Variants in BNIP3L observed in about 807,000 individuals in gnomAD.
BNIP3L encodes the protein BCL2/adenovirus E1B 19 kDa protein-interacting protein 3-like.
In BNIP3L, 10 loss-of-function variants were observed where a neutral mutation model predicts 25.5. The observed-to-expected ratio is 0.39, with a 90% CI of 0.24 to 0.67. The LOEUF is 0.67. Ranked by LOEUF, BNIP3L falls within the 30% of genes least tolerant of loss-of-function variation. The pLI, the probability that BNIP3L is intolerant of heterozygous loss-of-function variation, is 0.45. For synonymous variants in BNIP3L, 113 were observed against 101.2 expected, an observed-to-expected ratio of 1.12 and a Z score of -0.70; for missense variants, 215 against 270.9, an observed-to-expected ratio of 0.79 and a Z score of 1.45.
intron 3 of BNIP3L, among the ~76,000 whole-genome samples, chr8:26,407,767 C>T (rs527970097): frequency 6.6e-6 from 1 of 152,330 alleles, no homozygotes. Flanking sequence ...TATGCAGTTC[C>T]TGTGCTGTGC....
Position 26,383,090 on chromosome 8 carries a change from G to GACGGTCCTGCTGCTGCC in BNIP3L, c.-40_-24dup, listed in dbSNP as rs1805890177. On this transcript the variant is annotated 5_prime_UTR_variant, in exon 1 of 6. Transcript: ENST00000380629. ...GTTGTGTTGCTGCCTGAGTGCCGGA[G>GACGGTCCTGCTGCTGCC]ACGGTCCTGCTGCTGCCGCAGTCCT... 4 of 1,528,834 alleles carry GACGGTCCTGCTGCTGCC rather than the reference G, an allele frequency of 2.6e-6. No individual in the cohort carries two copies. Among genetic ancestry groups the GACGGTCCTGCTGCTGCC allele is most frequent in the African/African-American group, 2.7e-5 (2 of 73,100 alleles). The allele number at this position is 1,528,834 out of a possible 1,614,324, so 94.7% of individuals were successfully genotyped here.
chr8:26,403,714 T>A (rs1425044890), intron 3 of BNIP3L, among the ~76,000 whole-genome samples: 2 of 152,096 alleles, frequency 1.3e-5, no homozygotes, highest in African/African-American at 2.4e-5. Context: ...TTTTTTATTT[T>A]TTTTTTGTAT....
intron 3 of BNIP3L, among the ~76,000 whole-genome samples, chr8:26,405,322 A>G (rs1806475397): frequency 6.6e-6 from 1 of 152,230 alleles, no homozygotes; most frequent in African/African-American, 2.4e-5. Context: ...GTGCAAGTAA[A>G]TTGTAACAGT....
At chr8:26,403,755 T>G (rs1322391524) in intron 3 of BNIP3L, among the ~76,000 whole-genome samples, 1 of 151,822 alleles carries the variant, frequency 6.6e-6, no homozygotes, top group African/African-American at 2.4e-5. Context: ...GCCCAGGCCG[T>G]TTTCAAACTC....
intron 2 of BNIP3L, 55 bp downstream of exon 2, chr8:26,391,481 C>A: frequency 7.2e-7 from 1 of 1,396,498 alleles, no homozygotes; most frequent in Non-Finnish European, 9.5e-7. Flanking sequence ...TTACAGGGCT[C>A]ATTCACTCTA....
rs557111368 is a variant in BNIP3L, at chr8:26,403,835, C to T, written c.358-4165C>T. 1.6e-4 allele frequency among the ~76,000 whole-genome samples: 24 copies of T among 152,220 alleles called. 1 individual carries two copies. In the South Asian group the frequency reaches 3.9e-3, roughly 25 times the overall value. ...AATTACAGACATGAGTTACTACTCCCACCTCTCTTTTAATGTTCTCAATCC... is the reference window on the plus strand; with the variant it reads ...AATTACAGACATGAGTTACTACTCCTACCTCTCTTTTAATGTTCTCAATCC... On this transcript the variant is annotated intron_variant, in intron 3 of 5. Coordinates refer to ENST00000380629, the MANE Select transcript of BNIP3L (RefSeq NM_004331.3).
rs1806543446 is a variant in BNIP3L at position 26,408,249 on chromosome 8, A to T, written c.484A>T (p.Lys162Ter). 6.2e-7 allele frequency: 1 copy of T among 1,613,988 alleles called. No individual in the cohort carries two copies. The highest frequency in any genetic ancestry group is 8.5e-7 in the Non-Finnish European group (1 of 1,180,004). ...PPKEFHFRHPKRSVSLSMRKS... is the reference protein window; with the variant it reads ...PPKEFHFRHP ...CAGGGAGTTCCACTTCAGACACCCT[A>T]AACGTTCTGTGTCTTTAAGCATGAG... The change falls in exon 5 of 6, where the codon AAA (lysine) becomes TAA (stop). Residue 162 changes from lysine to a stop codon, truncating the protein, a stop_gained. Transcript: ENST00000380629. LOFTEE classifies it high-confidence loss of function.
At chr8:26,388,819 A>G (rs1806045755) in intron 1 of BNIP3L, among the ~76,000 whole-genome samples, 1 of 146,408 alleles carries the variant, frequency 6.8e-6, no homozygotes, top group Non-Finnish European at 1.5e-5. Flanking sequence ...AAATAAATAA[A>G]TAAATAAATA....
chr8:26,407,900 A>T (rs1274543318), intron 3 of BNIP3L, 100 bp from the exon 4 acceptor site: 3 of 1,033,980 alleles, frequency 2.9e-6, no homozygotes, highest in Non-Finnish European at 4.3e-6. Context: ...TTTCTGAGAC[A>T]CAACCTTATG....
rs1397936241 is a variant in BNIP3L at position 26,408,394 on chromosome 8, C to T, written c.611+18C>T. On this transcript the variant is annotated intron_variant, in intron 5 of 5. Transcript: ENST00000380629. ...GGGCTAGGGTAAGTACCGGTCAACT[C>T]CTGAAGTTTTTTCCATTCATTTTAT... 1.3e-6 allele frequency: 2 copies of T among 1,590,530 alleles called. No individual in the cohort carries two copies. The highest frequency in any genetic ancestry group is 2.3e-5 in the South Asian group (2 of 88,382).
At chr8:26,390,449 C>T (rs779524586) in intron 1 of BNIP3L, 435 of 985,082 alleles carry the variant, frequency 4.4e-4, no homozygotes, top group Non-Finnish European at 4.8e-4. Flanking sequence ...CCCAAATCAA[C>T]AGGGTTTAAT....
rs534630387 is a variant in BNIP3L at position 26,411,863 on chromosome 8, G to A, written c.*1451G>A. 6.6e-6 allele frequency: 1 copy of A among 152,654 alleles called. No homozygotes were observed. The highest frequency in any genetic ancestry group is 2.1e-4 in the South Asian group (1 of 4,822). The allele number at this position is 152,654 out of a possible 1,614,324, so 9.5% of individuals were successfully genotyped here. A position where few individuals can be genotyped will look rare whatever the true frequency, so the allele number is the denominator to read the frequency against. ...GATATTGACTATTTAGAGAACCGTT[G>A]TTAATTTTAAAACTAGCAATCTATA... On this transcript the variant is annotated 3_prime_UTR_variant, in exon 6 of 6. Transcript: ENST00000380629.
intron 1 of BNIP3L, among the ~76,000 whole-genome samples, chr8:26,387,374 T>G (rs1045110258): frequency 7.9e-5 from 12 of 152,230 alleles, no homozygotes; most frequent in African/African-American, 2.4e-4. Context: ...TAAAGTCTTT[T>G]AGATAATGGA....
intron 1 of BNIP3L, among the ~76,000 whole-genome samples, chr8:26,387,722 T>C (rs1806022284): frequency 6.6e-6 from 1 of 152,226 alleles, no homozygotes; most frequent in East Asian, 1.9e-4. Context: ...TTTCCATAGA[T>C]GATATTTTTG....
intron 1 of BNIP3L, among the ~76,000 whole-genome samples, chr8:26,384,953 G>A (rs571379705): frequency 2.0e-5 from 3 of 152,064 alleles, no homozygotes; most frequent in South Asian, 2.1e-4. Flanking sequence ...TGTATTTTCA[G>A]TAGAGAGGGG....
intron 3 of BNIP3L, among the ~76,000 whole-genome samples, chr8:26,404,177 A>G (rs1273630361): frequency 6.6e-6 from 1 of 152,250 alleles, no homozygotes; most frequent in East Asian, 1.9e-4. Flanking sequence ...TCAGTTTTGT[A>G]TCAGAAAACA....
intron 1 of BNIP3L, chr8:26,383,555 G>T (rs1805908624): frequency 3.7e-6 from 1 of 272,282 alleles, no homozygotes; most frequent in Non-Finnish European, 5.6e-6. Flanking sequence ...GCGGGCCTGG[G>T]GGGCGGGGAG....
intron 2 of BNIP3L, among the ~76,000 whole-genome samples, chr8:26,394,285 A>G (rs774902728): frequency 6.6e-6 from 1 of 152,098 alleles, no homozygotes; most frequent in East Asian, 1.9e-4. Flanking sequence ...TTGTGCAATC[A>G]TAAAGGTTTT....
intron 2 of BNIP3L, among the ~76,000 whole-genome samples, chr8:26,393,436 G>T (rs1195504139): frequency 6.7e-6 from 1 of 148,850 alleles, no homozygotes; most frequent in Non-Finnish European, 1.5e-5. Flanking sequence ...GCAGCACATG[G>T]ACTGCATCTC....
Sources: gnomAD v4.1 joint callset for allele counts (sites outside exome capture counted in the v4.1 genomes callset) on GRCh38, gnomAD v4.1.1 for gene constraint, MANE v1.5 for transcripts, NCBI Gene and HGNC (gene_info 2026-07-23, HGNC 2026-07-21) for gene names.